The following EXOC6B variants were observed in gnomAD, a reference collection of about 807,000 sequenced individuals.
The protein encoded by EXOC6B is SEC15 homolog B.
EXOC6B carries 54 observed loss-of-function variants against 113.5 expected under a neutral mutation model. The observed-to-expected ratio is 0.48, with a 90% CI of 0.38 to 0.60. EXOC6B has a LOEUF of 0.60. EXOC6B is among the 20% of genes least tolerant of loss of function. The pLI is 0.00. For missense variants in EXOC6B, 797 were observed against 977.5 expected, an observed-to-expected ratio of 0.82 and a Z score of 2.46; for synonymous variants, 357 against 339.0, an observed-to-expected ratio of 1.05 and a Z score of -0.58.
At chr2:72,672,559 A>G (rs1410886007) in intron 6 of EXOC6B, among the ~76,000 whole-genome samples, 11 of 149,972 alleles carry the variant, frequency 7.3e-5, no homozygotes, top group South Asian at 6.2e-4. Context: ...AAAAAAAAAA[A>G]AAAAAGAAAA....
chr2:72,233,074 AAAAAAAAG>A (rs746858198), intron 20 of EXOC6B, among the ~76,000 whole-genome samples: 11 of 152,006 alleles, frequency 7.2e-5, no homozygotes, highest in Non-Finnish European at 5.9e-5. Flanking sequence ...TCCGTCCCAA[AAAAAAAAG>A]AAAAAAAGAA....
At chr2:72,755,769 G>A (rs997333600) in intron 1 of EXOC6B, among the ~76,000 whole-genome samples, 2 of 152,152 alleles carry the variant, frequency 1.3e-5, no homozygotes, top group African/African-American at 4.8e-5. Context: ...TGATTAAACT[G>A]CAACAAGACC....
intron 1 of EXOC6B, among the ~76,000 whole-genome samples, chr2:72,799,469 C>G (rs1378526659): frequency 6.6e-6 from 1 of 151,458 alleles, no homozygotes; most frequent in Non-Finnish European, 1.5e-5. Context: ...ACTCAGGAGG[C>G]TGAAGTGGGA....
chr2:72,228,468 C>T (rs1681391312), intron 20 of EXOC6B, among the ~76,000 whole-genome samples: 2 of 144,288 alleles, frequency 1.4e-5, no homozygotes, highest in African/African-American at 2.5e-5. Flanking sequence ...CTTCCTGTGT[C>T]CACGTGTTCT....
chr2:72,320,198 C>T (rs923151672), intron 20 of EXOC6B, among the ~76,000 whole-genome samples: 4 of 148,492 alleles, frequency 2.7e-5, no homozygotes, highest in African/African-American at 9.8e-5. Flanking sequence ...TATATATTTA[C>T]ATATATATTT....
intron 16 of EXOC6B, among the ~76,000 whole-genome samples, chr2:72,481,121 C>T (rs1424594419): frequency 2.0e-5 from 3 of 152,212 alleles, no homozygotes; most frequent in Non-Finnish European, 4.4e-5. Context: ...TTCACTCACA[C>T]TTCTCCTTCT....
chr2:72,525,024 T>A, intron 8 of EXOC6B, among the ~76,000 whole-genome samples: 1 of 152,232 alleles, frequency 6.6e-6, no homozygotes, highest in East Asian at 1.9e-4. Flanking sequence ...CCTTATAACC[T>A]GTTTGTCTTG....
At chr2:72,272,631 G>A (rs1684562565) in intron 20 of EXOC6B, among the ~76,000 whole-genome samples, 1 of 152,214 alleles carries the variant, frequency 6.6e-6, no homozygotes, top group Non-Finnish European at 1.5e-5. Flanking sequence ...CCTGCTTAGA[G>A]AGCCCTGGAG....
intron 20 of EXOC6B, among the ~76,000 whole-genome samples, chr2:72,232,298 T>G (rs1013592913): frequency 1.3e-5 from 2 of 152,104 alleles, no homozygotes; most frequent in Non-Finnish European, 2.9e-5. Context: ...AAAGATTTTT[T>G]AAAAACTGAG....
At chr2:72,661,300 A>G (rs947894157) in intron 6 of EXOC6B, among the ~76,000 whole-genome samples, 87 of 152,066 alleles carry the variant, frequency 5.7e-4, no homozygotes, top group African/African-American at 2.0e-3. Flanking sequence ...AAAGATTACG[A>G]AGAAAAAAAA....
chr2:72,243,565 G>A (rs1453283101), intron 20 of EXOC6B, among the ~76,000 whole-genome samples: 4 of 152,140 alleles, frequency 2.6e-5, no homozygotes, highest in Non-Finnish European at 1.5e-5. Flanking sequence ...GACACAGGGT[G>A]GGGAACATCA....
chr2:72,441,178 C>G (rs1696177770), intron 18 of EXOC6B, among the ~76,000 whole-genome samples: 1 of 152,032 alleles, frequency 6.6e-6, no homozygotes, highest in African/African-American at 2.4e-5. Context: ...TCTCTTATTT[C>G]TATTCAATAA....
intron 10 of EXOC6B, among the ~76,000 whole-genome samples, chr2:72,513,777 G>C (rs778536030): frequency 6.6e-6 from 1 of 151,934 alleles, no homozygotes; most frequent in Non-Finnish European, 1.5e-5. Flanking sequence ...TCAAAAATGT[G>C]AAGTTACGTT....
At chr2:72,782,151 AAAAAGAAAAG>A (rs1306480322) in intron 1 of EXOC6B, among the ~76,000 whole-genome samples, 2 of 151,538 alleles carry the variant, frequency 1.3e-5, no homozygotes, top group African/African-American at 2.4e-5. Context: ...AAAAAAAAAA[AAAAAGAAAAG>A]AAAAGAAAAG....
intron 19 of EXOC6B, among the ~76,000 whole-genome samples, chr2:72,362,654 A>C (rs1336727401): frequency 6.6e-6 from 1 of 152,160 alleles, no homozygotes; most frequent in Non-Finnish European, 1.5e-5. Flanking sequence ...TCATACAAAT[A>C]TATGCTGAGG....
rs762014732 is a variant in EXOC6B, at chr2:72,513,147, T to C, written c.1152A>G (p.Ala384=). The change falls in exon 11 of 22, where the codon GCA becomes GCG. Residue 384 remains alanine, a synonymous_variant. Coordinates refer to ENST00000272427, the MANE Select transcript of EXOC6B (RefSeq NM_015189.3). ...WEMALSKTIA[A]LRTHSSYCSD... is the part of the protein sequence containing the mutation. ...TCTTACATACCGAGTGGGTACGGAG[T>C]GCTGCGATGGTTTTTGAAAGTGCCA... 6.2e-7 allele frequency: 1 copy of C among 1,613,064 alleles called. No individual in the cohort carries two copies.
intron 13 of EXOC6B, 86 bp from the exon 14 acceptor site, chr2:72,496,645 T>C: frequency 1.3e-6 from 1 of 781,530 alleles, no homozygotes; most frequent in Non-Finnish European, 2.2e-6. Flanking sequence ...GGTGGGTTAA[T>C]CACAAATATT....
rs1236320220 is a variant in EXOC6B, at chr2:72,401,601, A to ATG, written c.1981-21733_1981-21732dup. Among the ~76,000 whole-genome samples the ATG allele has an allele frequency of 4.0e-3, 112 of 27,944 alleles. 7 individuals are homozygous for ATG. Among genetic ancestry groups the ATG allele is most frequent in the Non-Finnish European group, 5.0e-3 (90 of 17,864 alleles). The allele number at this position is 27,944 out of a possible 152,430, so 18.3% of individuals were successfully genotyped here. A position where few individuals can be genotyped will look rare whatever the true frequency, so the allele number is the denominator to read the frequency against. ...TATATACATATATATATATATATAT[A>ATG]TGTGTATATATATATATATACATAT... is the stretch of plus-strand genomic sequence containing the variant. On this transcript the variant is annotated intron_variant, in intron 18 of 21. Transcript: ENST00000272427.
At chr2:72,595,646 G>A (rs1161725055) in intron 6 of EXOC6B, among the ~76,000 whole-genome samples, 1 of 151,756 alleles carries the variant, frequency 6.6e-6, no homozygotes, top group Non-Finnish European at 1.5e-5. Flanking sequence ...GAAGCCAGAA[G>A]CAATACCAAA....
Sources: allele counts gnomAD v4.1 joint callset (sites outside exome capture counted in the v4.1 genomes callset), GRCh38; gene constraint gnomAD v4.1.1; transcripts MANE v1.5; gene names NCBI Gene and HGNC (gene_info 2026-07-23, HGNC 2026-07-21).